The following NXPH1 variants were observed in gnomAD, a reference collection of about 807,000 sequenced individuals.
The protein encoded by NXPH1 is neurexophilin 1.
NXPH1 carries 5 observed loss-of-function variants against 23.7 expected under a neutral mutation model. The ratio of observed to expected loss-of-function variants is 0.21; its 90% confidence interval spans 0.11 to 0.44. The LOEUF is 0.44. NXPH1 is among the 20% of genes least tolerant of loss of function. The pLI is 0.99. For missense variants in NXPH1, 324 were observed against 321.6 expected (o/e 1.01, Z -0.06); for synonymous variants, 144 against 122.2 (o/e 1.18, Z -1.18).
intron 2 of NXPH1, among the ~76,000 whole-genome samples, chr7:8,439,799 A>T (rs1816261679): frequency 6.6e-6 from 1 of 152,226 alleles, no homozygotes; most frequent in Non-Finnish European, 1.5e-5. Flanking sequence ...TCCACTCATT[A>T]TGAAGATGGC....
chr7:8,457,912 C>G (rs1182242356), intron 2 of NXPH1, among the ~76,000 whole-genome samples: 1 of 152,156 alleles, frequency 6.6e-6, no homozygotes, highest in East Asian at 1.9e-4. Flanking sequence ...ATTTCAAGAA[C>G]CAAGGCCAGG....
At chr7:8,467,337 C>T (rs73675704) in intron 2 of NXPH1, among the ~76,000 whole-genome samples, 2 of 152,158 alleles carry the variant, frequency 1.3e-5, no homozygotes, top group Non-Finnish European at 2.9e-5. Context: ...GATGAAGCCT[C>T]TTCTGGAATT....
At chr7:8,584,711 C>T (rs538124571) in intron 2 of NXPH1, among the ~76,000 whole-genome samples, 356 of 152,238 alleles carry the variant, frequency 2.3e-3, no homozygotes, top group Non-Finnish European at 4.5e-3. Context: ...TCTGGGGGAT[C>T]GGAATGGAGA....
intron 2 of NXPH1, among the ~76,000 whole-genome samples, chr7:8,580,784 G>C (rs1175822952): frequency 6.6e-6 from 1 of 151,924 alleles, no homozygotes; most frequent in Admixed American, 6.6e-5. Flanking sequence ...TCTGGGGCCT[G>C]TTAGGCTTAA....
chr7:8,618,091 C>A (rs747114236), intron 2 of NXPH1, among the ~76,000 whole-genome samples: 1 of 152,058 alleles, frequency 6.6e-6, no homozygotes, highest in Non-Finnish European at 1.5e-5. Context: ...GAGTGTCACT[C>A]GCCGCAGGGT....
intron 2 of NXPH1, among the ~76,000 whole-genome samples, chr7:8,639,714 G>A (rs953852679): frequency 6.6e-6 from 1 of 152,130 alleles, no homozygotes; most frequent in Admixed American, 6.5e-5. Flanking sequence ...TTGAATCATG[G>A]GGGTCCATCT....
intron 2 of NXPH1, among the ~76,000 whole-genome samples, chr7:8,597,254 C>T (rs548341019): frequency 8.1e-4 from 123 of 152,078 alleles, no homozygotes; most frequent in African/African-American, 2.4e-3. Flanking sequence ...AGCCAGAGTA[C>T]GATGTTTTGG....
intron 2 of NXPH1, among the ~76,000 whole-genome samples, chr7:8,461,344 G>A (rs865956371): frequency 6.6e-5 from 10 of 152,228 alleles, no homozygotes; most frequent in African/African-American, 2.2e-4. Context: ...TGAAGAAAGA[G>A]TAACTTCAGT....
chr7:8,521,318 C>T (rs977359591), intron 2 of NXPH1, among the ~76,000 whole-genome samples: 1 of 152,166 alleles, frequency 6.6e-6, no homozygotes, highest in Non-Finnish European at 1.5e-5. Flanking sequence ...AGTGCCGGGG[C>T]TCATCTACAT....
chr7:8,711,978 A>G (rs10486249), intron 2 of NXPH1, among the ~76,000 whole-genome samples: 6,807 of 152,268 alleles, frequency 0.045, 344 homozygotes, highest in East Asian at 0.17. Flanking sequence ...ATTATCTGCC[A>G]TTCACTTGGG....
intron 2 of NXPH1, among the ~76,000 whole-genome samples, chr7:8,599,649 A>C (rs1466776688): frequency 6.6e-6 from 1 of 152,070 alleles, no homozygotes; most frequent in Admixed American, 6.6e-5. Flanking sequence ...CACTAAGTTC[A>C]ATCACTTCAA....
intron 2 of NXPH1, among the ~76,000 whole-genome samples, chr7:8,487,602 T>G (rs1817180416): frequency 6.6e-6 from 1 of 152,170 alleles, no homozygotes; most frequent in Admixed American, 6.6e-5. Context: ...ACTTCCATAC[T>G]ACTTATGCAT....
chr7:8,563,912 C>T (rs1352831010), intron 2 of NXPH1, among the ~76,000 whole-genome samples: 1 of 151,746 alleles, frequency 6.6e-6, no homozygotes, highest in Non-Finnish European at 1.5e-5. Context: ...AAACAAACAG[C>T]CACAAAACAA....
At chr7:8,461,083 G>A (rs1816686416) in intron 2 of NXPH1, among the ~76,000 whole-genome samples, 1 of 152,200 alleles carries the variant, frequency 6.6e-6, no homozygotes, top group African/African-American at 2.4e-5. Context: ...TCTTTGGAGG[G>A]TTATGAAAAT....
intron 2 of NXPH1, among the ~76,000 whole-genome samples, chr7:8,479,934 T>C (rs1193162569): frequency 3.9e-5 from 6 of 152,042 alleles, no homozygotes; most frequent in Non-Finnish European, 8.8e-5. Context: ...AATGGGTAAA[T>C]AGAGGGAAAG....
At chr7:8,621,395 G>T (rs1819866583) in intron 2 of NXPH1, among the ~76,000 whole-genome samples, 1 of 152,132 alleles carries the variant, frequency 6.6e-6, no homozygotes, top group African/African-American at 2.4e-5. Context: ...CAACAGGATA[G>T]CTTGGAAATT....
At chr7:8,525,713 G>A (rs1408308902) in intron 2 of NXPH1, among the ~76,000 whole-genome samples, 1 of 152,220 alleles carries the variant, frequency 6.6e-6, no homozygotes, top group African/African-American at 2.4e-5. Context: ...GGCTTCAGAG[G>A]TGGAAGCCCC....
intron 2 of NXPH1, among the ~76,000 whole-genome samples, chr7:8,687,627 A>T (rs1821167834): frequency 1.3e-5 from 2 of 152,166 alleles, no homozygotes; most frequent in African/African-American, 4.8e-5. Flanking sequence ...ATAGGAGCAA[A>T]GTGATTTGGG....
chr7:8,735,940 T>C (rs1452300695), intron 2 of NXPH1, among the ~76,000 whole-genome samples: 1 of 152,228 alleles, frequency 6.6e-6, no homozygotes, highest in African/African-American at 2.4e-5. Context: ...TTTATAGTAT[T>C]CTCTAATAGT....
Sources: allele counts gnomAD v4.1 joint callset (sites outside exome capture counted in the v4.1 genomes callset), GRCh38; gene constraint gnomAD v4.1.1; transcripts MANE v1.5; gene names NCBI Gene and HGNC (gene_info 2026-07-23, HGNC 2026-07-21).